The following NME7 variants were observed in gnomAD, a reference collection of about 807,000 sequenced individuals.
NME7 encodes nucleoside diphosphate kinase 7.
A neutral mutation model predicts 49.1 loss-of-function variants in NME7; 41 were observed. The ratio of observed to expected loss-of-function variants is 0.83; its 90% CI spans 0.65 to 1.08. NME7 has a LOEUF of 1.08. NME7 is among the 50% of genes least tolerant of loss of function. The probability of loss-of-function intolerance (pLI) is 0.00; values close to 1 mark genes in which losing one functional copy is unlikely to be tolerated. For synonymous variants in NME7, 139 were observed against 150.6 expected (o/e 0.92, Z 0.56); for missense variants, 423 against 463.4 (o/e 0.91, Z 0.80).
intron 7 of NME7, among the ~76,000 whole-genome samples, chr1:169,282,125 A>G (rs368382427): frequency 2.8e-4 from 43 of 152,256 alleles, no homozygotes; most frequent in African/African-American, 9.9e-4. Context: ...TCAATTTCAG[A>G]ACCTGTTATT....
intron 6 of NME7, among the ~76,000 whole-genome samples, chr1:169,289,553 A>G (rs902721603): frequency 3.3e-5 from 5 of 152,142 alleles, no homozygotes; most frequent in Non-Finnish European, 1.5e-5. Flanking sequence ...AAAACCATGT[A>G]CTTTTTCTAT....
At chr1:169,161,503 A>G (rs1455614845) in intron 11 of NME7, among the ~76,000 whole-genome samples, 1 of 152,318 alleles carries the variant, frequency 6.6e-6, no homozygotes, top group East Asian at 1.9e-4. Context: ...TTTCCCCCAG[A>G]GTGTACCAGA....
At chr1:169,297,286 C>G (rs1650749199) in intron 6 of NME7, among the ~76,000 whole-genome samples, 1 of 152,086 alleles carries the variant, frequency 6.6e-6, no homozygotes, top group African/African-American at 2.4e-5. Context: ...TATAGTCATT[C>G]TTAATGCAAC....
At chr1:169,233,898 C>T (rs1180719295) in intron 9 of NME7, among the ~76,000 whole-genome samples, 2 of 151,860 alleles carry the variant, frequency 1.3e-5, no homozygotes, top group Non-Finnish European at 2.9e-5. Context: ...TCCTTGTTTC[C>T]TTCCTTTTCC....
chr1:169,221,636 T>C (rs1437210604), intron 10 of NME7, among the ~76,000 whole-genome samples: 1 of 151,902 alleles, frequency 6.6e-6, no homozygotes, highest in African/African-American at 2.4e-5. Context: ...TATACCTATA[T>C]ACTGTGTGCC....
At chr1:169,212,774 A>C (rs1210954897) in intron 10 of NME7, among the ~76,000 whole-genome samples, 1 of 151,798 alleles carries the variant, frequency 6.6e-6, no homozygotes, top group Non-Finnish European at 1.5e-5. Flanking sequence ...ATGCCCAGCT[A>C]AGGTTTTTTT....
intron 10 of NME7, among the ~76,000 whole-genome samples, chr1:169,186,334 T>C (rs1660065128): frequency 1.3e-5 from 2 of 152,162 alleles, no homozygotes; most frequent in South Asian, 4.1e-4. Context: ...TGGACAGGCT[T>C]CATAGGAACA....
At chr1:169,352,366 T>C (rs1037363227) in intron 1 of NME7, among the ~76,000 whole-genome samples, 2 of 152,034 alleles carry the variant, frequency 1.3e-5, no homozygotes, top group Admixed American at 6.6e-5. Flanking sequence ...AAGCATTTGA[T>C]AAAATTCAAC....
At position 169,230,128 on chromosome 1, in the gene NME7, G is replaced by A. The variant is rs917606420; in HGVS notation, c.990+590C>T. On this transcript the variant is annotated intron_variant, in intron 10 of 11. Coordinates refer to ENST00000367811, the MANE Select transcript of NME7 (RefSeq NM_013330.5). ...TTAATACTTCCCATAATCCTATCAAGTTTCTAATATTTGCATAGAGCTTTA... is the reference window on the plus strand; with the variant it reads ...TTAATACTTCCCATAATCCTATCAAATTTCTAATATTTGCATAGAGCTTTA... Among the ~76,000 whole-genome samples the A allele has an allele frequency of 3.9e-5, 6 of 152,038 alleles. No homozygotes were observed. In the South Asian group the frequency reaches 1.2e-3, roughly 31 times the overall value.
chr1:169,215,295 T>C lies in NME7; in HGVS notation c.990+15423A>G, dbSNP rs1660945082. Reference sequence around the variant, plus strand: ...CTCTACTGGCTGAGTCTGGGGTCTTTATAGGCACAGGATGGGGGGCAGGGT... The same window carrying C: ...CTCTACTGGCTGAGTCTGGGGTCTTCATAGGCACAGGATGGGGGGCAGGGT... On this transcript the variant is annotated intron_variant, in intron 10 of 11. Coordinates refer to ENST00000367811, the MANE Select transcript of NME7 (RefSeq NM_013330.5). Among the ~76,000 whole-genome samples the C allele has an allele frequency of 2.6e-5, 4 of 152,144 alleles. No homozygotes were observed. In the South Asian group the frequency reaches 8.3e-4, roughly 32 times the overall value.
intron 7 of NME7, among the ~76,000 whole-genome samples, chr1:169,282,590 C>T (rs1309820694): frequency 6.6e-6 from 1 of 152,142 alleles, no homozygotes; most frequent in Non-Finnish European, 1.5e-5. Context: ...GCATTTAGAG[C>T]TATAATTTTC....
chr1:169,193,873 G>T (rs1660300709), intron 10 of NME7, among the ~76,000 whole-genome samples: 1 of 149,898 alleles, frequency 6.7e-6, no homozygotes, highest in Non-Finnish European at 1.5e-5. Context: ...GTTAAGCTGA[G>T]ATCTTAAAGA....
chr1:169,268,049 T>C (rs1291690718), intron 7 of NME7, among the ~76,000 whole-genome samples: 1 of 131,348 alleles, frequency 7.6e-6, no homozygotes, highest in East Asian at 2.0e-4. Flanking sequence ...CTGACAGAGG[T>C]CTAACATCCA....
intron 10 of NME7, among the ~76,000 whole-genome samples, chr1:169,228,593 C>T (rs1338868107): frequency 6.7e-6 from 1 of 148,566 alleles, no homozygotes; most frequent in African/African-American, 2.5e-5. Context: ...AGGAGAATGG[C>T]GTGAACCCGG....
At chr1:169,275,473 C>A (rs71523138) in intron 7 of NME7, among the ~76,000 whole-genome samples, 1 of 80,690 alleles carries the variant, frequency 1.2e-5, no homozygotes, top group African/African-American at 4.3e-5. Flanking sequence ...AGCGAAACTC[C>A]GTCTCAAAAA....
intron 1 of NME7, among the ~76,000 whole-genome samples, chr1:169,330,970 CCT>C (rs1438564035): frequency 6.6e-6 from 1 of 152,008 alleles, no homozygotes; most frequent in Non-Finnish European, 1.5e-5. Flanking sequence ...CCAGTATTAC[CCT>C]GATACCAAAA....
At chr1:169,355,334 GTATATTATATTA>G (rs1653424674) in intron 1 of NME7, among the ~76,000 whole-genome samples, 1 of 84,228 alleles carries the variant, frequency 1.2e-5, no homozygotes, top group East Asian at 5.2e-4. Context: ...ATAATATATT[GTATATTATATTA>G]TATATATTAA....
At chr1:169,319,702 G>C (rs1206581095) in intron 3 of NME7, among the ~76,000 whole-genome samples, 2 of 152,052 alleles carry the variant, frequency 1.3e-5, no homozygotes, top group Admixed American at 1.3e-4. Flanking sequence ...TTTTTCTTCT[G>C]AAAAACAGGG....
At chr1:169,346,087 C>G (rs920708667) in intron 1 of NME7, among the ~76,000 whole-genome samples, 1 of 152,120 alleles carries the variant, frequency 6.6e-6, no homozygotes, top group Non-Finnish European at 1.5e-5. Flanking sequence ...ACCCCCTACT[C>G]CAAGCCACCA....
Sources: gnomAD v4.1 joint callset for allele counts (sites outside exome capture counted in the v4.1 genomes callset) on GRCh38, gnomAD v4.1.1 for gene constraint, MANE v1.5 for transcripts, NCBI Gene and HGNC (gene_info 2026-07-23, HGNC 2026-07-21) for gene names.